TTC17: variants seen among roughly 807,000 people sequenced by gnomAD.
The protein encoded by TTC17 is tetratricopeptide repeat domain 17.
TTC17 carries 58 observed loss-of-function variants against 143.8 expected under a neutral mutation model. The observed-to-expected ratio is 0.40, with a 90% CI of 0.33 to 0.50. The LOEUF is 0.50. Ranked by LOEUF, TTC17 falls within the 20% of genes least tolerant of loss-of-function variation. TTC17 has a pLI of 0.49. For synonymous variants in TTC17, 501 were observed against 497.8 expected (o/e 1.01, Z -0.09); for missense variants, 1,273 against 1,392.5 (o/e 0.91, Z 1.37).
intron 16 of TTC17, among the ~76,000 whole-genome samples, chr11:43,425,931 G>A (rs929068305): frequency 2.0e-5 from 3 of 152,122 alleles, no homozygotes; most frequent in African/African-American, 4.8e-5. Flanking sequence ...TTCAAATTTT[G>A]CCATCCTTTA....
intron 16 of TTC17, among the ~76,000 whole-genome samples, chr11:43,434,245 T>C (rs1947233653): frequency 6.7e-6 from 1 of 148,362 alleles, no homozygotes; most frequent in South Asian, 2.1e-4. Context: ...TCATGGCCTC[T>C]TTCCCATTAG....
intron 10 of TTC17, among the ~76,000 whole-genome samples, chr11:43,403,398 T>G (rs1304426271): frequency 6.6e-6 from 1 of 152,198 alleles, no homozygotes; most frequent in African/African-American, 2.4e-5. Flanking sequence ...TCTCATTATC[T>G]AGCAAGGTTT....
At chr11:43,396,539 G>A (rs571795775) in intron 5 of TTC17, 170 bp from the exon 6 acceptor site, 2 of 409,758 alleles carry the variant, frequency 4.9e-6, no homozygotes, top group East Asian at 6.9e-5. Flanking sequence ...TCTTCTGACA[G>A]GTATAGTTTC....
intron 16 of TTC17, among the ~76,000 whole-genome samples, chr11:43,422,678 G>A (rs1429760101): frequency 6.6e-6 from 1 of 152,128 alleles, no homozygotes; most frequent in Non-Finnish European, 1.5e-5. Context: ...TATTGTACCA[G>A]CATGCTATAT....
At chr11:43,440,225 C>A (rs1163568427) in intron 16 of TTC17, among the ~76,000 whole-genome samples, 2 of 141,056 alleles carry the variant, frequency 1.4e-5, no homozygotes, top group Non-Finnish European at 3.1e-5. Flanking sequence ...TCCATCCATT[C>A]TTGTCTAGAC....
rs2291272 is a variant in TTC17, at chr11:43,444,017, A to C, written c.2512-39A>C. ...TCACAAATCATTGACAGATTTGATC[A>C]CTGGTCTCATTTGTCCCTAACATGT... On this transcript the variant is annotated intron_variant, in intron 17 of 23. Coordinates refer to ENST00000039989, the MANE Select transcript of TTC17 (RefSeq NM_018259.6). 4.2e-4 allele frequency: 650 copies of C among 1,559,112 alleles called. 6 individuals carry two copies. The East Asian group carries it at 9.0e-3, about 22-fold the overall frequency.
intron 16 of TTC17, among the ~76,000 whole-genome samples, chr11:43,438,221 G>A (rs1463960086): frequency 1.3e-5 from 2 of 152,088 alleles, no homozygotes; most frequent in African/African-American, 2.4e-5. Flanking sequence ...GCAATGGCAC[G>A]ATCTCGGCTC....
At chr11:43,400,268 CAA>C (rs948804879) in intron 9 of TTC17, among the ~76,000 whole-genome samples, 31 of 152,236 alleles carry the variant, frequency 2.0e-4, no homozygotes, top group African/African-American at 7.5e-4. Flanking sequence ...AAATAAAAAA[CAA>C]GTCTTGTAGA....
chr11:43,438,237 A>C (rs1714315139), intron 16 of TTC17, among the ~76,000 whole-genome samples: 1 of 152,128 alleles, frequency 6.6e-6, no homozygotes, highest in Non-Finnish European at 1.5e-5. Context: ...GGCTCACTGC[A>C]ACCTCCACTT....
chr11:43,442,264 GTGGTGCATGGCTATAATACCA>G, intron 16 of TTC17, among the ~76,000 whole-genome samples: 1 of 152,180 alleles, frequency 6.6e-6, no homozygotes, highest in Non-Finnish European at 1.5e-5. Context: ...ACTTCATTAT[GTGGTGCATGGCTATAATACCA>G]TGTTCTAAAT....
At chr11:43,430,327 C>CT (rs1947124589) in intron 16 of TTC17, among the ~76,000 whole-genome samples, 1 of 152,084 alleles carries the variant, frequency 6.6e-6, no homozygotes, top group African/African-American at 2.4e-5. Flanking sequence ...ACTCGAGAGG[C>CT]TGAGGTGGGA....
intron 4 of TTC17, 45 bp downstream of exon 4, chr11:43,391,621 T>C: frequency 7.5e-7 from 1 of 1,325,686 alleles, no homozygotes; most frequent in Non-Finnish European, 1.0e-6. Context: ...CGTTGCGTTC[T>C]TCTTTCAGTT....
intron 21 of TTC17, among the ~76,000 whole-genome samples, chr11:43,473,882 C>CAAAA (rs781437584): frequency 2.3e-4 from 14 of 60,568 alleles, no homozygotes; most frequent in Admixed American, 1.9e-4. Context: ...GACTCTGTCT[C>CAAAA]AAAAAAAAAA....
intron 1 of TTC17, chr11:43,359,326 T>C: frequency 1.7e-6 from 1 of 581,372 alleles, no homozygotes; most frequent in Non-Finnish European, 2.7e-6. Flanking sequence ...CCCCTAGAAG[T>C]TCTCACCCTT....
At chr11:43,478,885 C>T (rs1948234897) in intron 21 of TTC17, among the ~76,000 whole-genome samples, 1 of 152,200 alleles carries the variant, frequency 6.6e-6, no homozygotes, top group Non-Finnish European at 1.5e-5. Flanking sequence ...ACCTTGGCTT[C>T]CCAAATTACT....
chr11:43,375,653 AAAAC>A (rs1424104603), intron 1 of TTC17, among the ~76,000 whole-genome samples: 5 of 151,984 alleles, frequency 3.3e-5, no homozygotes, highest in Admixed American at 6.6e-5. Flanking sequence ...TTTAAAAAAA[AAAAC>A]AGTGAAAGTG....
At chr11:43,395,889 T>G (rs1330661934) in intron 5 of TTC17, among the ~76,000 whole-genome samples, 1 of 152,202 alleles carries the variant, frequency 6.6e-6, no homozygotes, top group African/African-American at 2.4e-5. Context: ...TACACAGCTT[T>G]ATAGTTAAAA....
intron 16 of TTC17, among the ~76,000 whole-genome samples, chr11:43,437,469 C>A (rs1367464087): frequency 6.6e-6 from 1 of 152,126 alleles, no homozygotes; most frequent in Admixed American, 6.5e-5. Context: ...ATTTTAAAGG[C>A]GGAAACAACC....
intron 4 of TTC17, 74 bp from the exon 5 acceptor site, chr11:43,391,747 A>G: frequency 6.5e-7 from 1 of 1,535,860 alleles, no homozygotes; most frequent in Non-Finnish European, 8.8e-7. Context: ...CAAAATAAAC[A>G]CTACAAGATA....
Sources: allele counts gnomAD v4.1 joint callset (sites outside exome capture counted in the v4.1 genomes callset), GRCh38; gene constraint gnomAD v4.1.1; transcripts MANE v1.5; gene names NCBI Gene and HGNC (gene_info 2026-07-23, HGNC 2026-07-21).